The following CNGA1 variants were observed in gnomAD, a reference collection of about 807,000 sequenced individuals.
CNGA1 encodes cyclic nucleotide gated channel subunit alpha 1.
Under a neutral mutation model 69.7 loss-of-function variants are expected in CNGA1, and 53 were observed. That is an observed-to-expected ratio of 0.76 (90% confidence interval 0.61 to 0.96). The LOEUF (loss-of-function observed/expected upper bound fraction) is 0.96. CNGA1 is among the 40% of genes least tolerant of loss of function. The pLI, the probability that CNGA1 is intolerant of heterozygous loss-of-function variation, is 0.00. For synonymous variants in CNGA1, 249 were observed against 283.5 expected, an observed-to-expected ratio of 0.88 and a Z score of 1.22; for missense variants, 739 against 811.2, an observed-to-expected ratio of 0.91 and a Z score of 1.08.
chr4:47,943,245 T>C lies in CNGA1; in HGVS notation c.373A>G (p.Lys125Glu), dbSNP rs889829783. 1 of 1,588,370 alleles carries C rather than the reference T, an allele frequency of 6.3e-7. No individual in the cohort carries two copies. The highest frequency in any genetic ancestry group is 1.1e-5 in the South Asian group (1 of 87,640). ...TTCTCTTTGTCCTTTTTCTTCTTTT[T>C]CTTCTCTGGGTCGTTTTTATTTTCG... ...KNENKNDPEKKKKKKDKEKKK... is the reference protein window; with the variant it reads ...KNENKNDPEKEKKKKDKEKKK... The change falls in exon 8 of 11, where the codon AAA (lysine) becomes GAA (glutamate). Residue 125 changes from lysine to glutamate, a missense_variant. Physicochemically the swap from Lys to Glu is moderately conservative, Grantham distance 56. Coordinates refer to ENST00000514170, the MANE Select transcript of CNGA1 (RefSeq NM_001379270.1).
At position 47,952,679 on chromosome 4, in the gene CNGA1, T is replaced by C. The variant is rs2110160641; in HGVS notation, c.11A>G (p.Asn4Ser). Residue 4 changes from asparagine (N) to serine (S), a missense_variant, in exon 4 of 11, where the codon AAT (asparagine) becomes AGT (serine). By Grantham distance (46) the Asn-to-Ser change is conservative. Transcript: ENST00000514170. The part of the protein sequence containing the change: MKN[N>S]IINTQQSFVT... ...AAAAGACTGCTGTGTATTGATAATA[T>C]TGTTCTTCATGGATAGTTTCATATC... 6.3e-7 allele frequency: 1 copy of C among 1,598,104 alleles called. No individual in the cohort carries two copies. Among genetic ancestry groups the C allele is most frequent in the East Asian group, 2.2e-5 (1 of 44,554 alleles).
intron 3 of CNGA1, among the ~76,000 whole-genome samples, chr4:47,979,187 G>A (rs1741568210): frequency 6.6e-6 from 1 of 152,024 alleles, no homozygotes; most frequent in Non-Finnish European, 1.5e-5. Flanking sequence ...TGAGTGAGGT[G>A]GCTCATGCCT....
At chr4:47,990,319 G>T (rs1313470723) in intron 2 of CNGA1, among the ~76,000 whole-genome samples, 3 of 152,030 alleles carry the variant, frequency 2.0e-5, no homozygotes, top group South Asian at 2.1e-4. Context: ...ATGCATTCTT[G>T]GGGGGAGGTC....
chr4:47,943,312 T>C (rs1739208239), intron 7 of CNGA1, 24 bp from the exon 8 acceptor site: 1 of 1,537,006 alleles, frequency 6.5e-7, no homozygotes, highest in Non-Finnish European at 8.8e-7. Flanking sequence ...GCAAGTAGTA[T>C]TAAAATACAG....
In CNGA1 at chr4:47,937,224, G is replaced by A. The variant is rs369717052; in HGVS notation, c.1258C>T (p.Arg420Ter). The A allele has an allele frequency of 2.2e-5, 36 of 1,613,808 alleles. No individual in the cohort carries two copies. Among genetic ancestry groups the A allele is most frequent in the Admixed American group, 3.3e-5 (2 of 59,984 alleles). The change falls in exon 11 of 11, where the codon CGA becomes TGA. Residue 420 changes from arginine (R) to a stop codon, truncating the protein, a stop_gained. Transcript: ENST00000514170. LOFTEE classifies it high-confidence loss of function. ...TTTTCCATATCTTTGCTTACATTTC[G>A]AAAATGCATATATTGCTTGATAGCA... ...IDAIKQYMHF[R>*]NVSKDMEKRV...
rs538224826 is a variant in CNGA1, at chr4:47,942,176, A to G, written c.438-28T>C. Reference sequence around the variant, plus strand: ...AGCGGCAATTAGAAATAAAGGGGATAGTTACCAAGATACAAGAACATTTTT... The same window carrying G: ...AGCGGCAATTAGAAATAAAGGGGATGGTTACCAAGATACAAGAACATTTTT... On this transcript the variant is annotated intron_variant, in intron 8 of 10. Coordinates refer to ENST00000514170, the MANE Select transcript of CNGA1 (RefSeq NM_001379270.1). The G allele has an allele frequency of 3.8e-5, 51 of 1,331,002 alleles. 2 individuals are homozygous for G. In the South Asian group the frequency reaches 5.7e-4, roughly 15 times the overall value. The allele number at this position is 1,331,002 out of a possible 1,614,324, so 82.4% of individuals were successfully genotyped here. A position where few individuals can be genotyped will look rare whatever the true frequency, so the allele number is the denominator to read the frequency against.
Position 47,936,027 on chromosome 4 carries a change from C to A in CNGA1, c.*394G>T. 1 of 184,868 alleles carries A rather than the reference C, an allele frequency of 5.4e-6. No individual in the cohort carries two copies. Among genetic ancestry groups the A allele is most frequent in the Non-Finnish European group, 1.1e-5 (1 of 88,520 alleles). 11.5% of individuals were successfully genotyped at this position (184,868 alleles called of 1,614,324 possible). On this transcript the variant is annotated 3_prime_UTR_variant, in exon 11 of 11. Coordinates refer to ENST00000514170, the MANE Select transcript of CNGA1 (RefSeq NM_001379270.1). ...CAGTCTAATTTTTAAAAATGTTATC[C>A]CAAATATGATGTACATGGTAATTCT...
chr4:48,012,081 T>C (rs1715190600), intron 1 of CNGA1, among the ~76,000 whole-genome samples: 1 of 152,160 alleles, frequency 6.6e-6, no homozygotes, highest in African/African-American at 2.4e-5. Context: ...AAGAAACATG[T>C]TTTAGGGTAA....
intron 2 of CNGA1, among the ~76,000 whole-genome samples, chr4:47,989,493 G>C (rs1036340603): frequency 6.6e-6 from 1 of 151,666 alleles, no homozygotes; most frequent in Non-Finnish European, 1.5e-5. Context: ...GAAATTTCAA[G>C]CCCCCTCATA....
chr4:47,948,653 A>G (rs1024026968), intron 6 of CNGA1, among the ~76,000 whole-genome samples: 5 of 152,170 alleles, frequency 3.3e-5, no homozygotes, highest in African/African-American at 9.7e-5. Context: ...GGCAAAAGTT[A>G]TTGACCGTGA....
chr4:47,957,069 G>A (rs1740134884), intron 3 of CNGA1, among the ~76,000 whole-genome samples: 4 of 152,104 alleles, frequency 2.6e-5, no homozygotes, highest in Admixed American at 2.6e-4. Flanking sequence ...AAGTAGCTGG[G>A]ATTACAGGTG....
intron 6 of CNGA1, among the ~76,000 whole-genome samples, chr4:47,946,770 TTTTCTTTCTTTC>T (rs140558527): frequency 6.6e-5 from 10 of 151,106 alleles, no homozygotes; most frequent in East Asian, 3.9e-4. Flanking sequence ...CCCTTCGTCT[TTTTCTTTCTTTC>T]TTTCTTTCTT....
chr4:47,977,210 G>A (rs1350278148), intron 3 of CNGA1, among the ~76,000 whole-genome samples: 1 of 152,150 alleles, frequency 6.6e-6, no homozygotes, highest in Non-Finnish European at 1.5e-5. Context: ...GTCAAAGTGA[G>A]GCCATTAGGC....
chr4:47,968,002 C>A (rs942751152), intron 3 of CNGA1, among the ~76,000 whole-genome samples: 2 of 151,956 alleles, frequency 1.3e-5, no homozygotes, highest in Admixed American at 6.6e-5. Flanking sequence ...ACATGCCAAG[C>A]AATAAGTCTG....
At chr4:47,945,531 C>T (rs896743169) in intron 6 of CNGA1, among the ~76,000 whole-genome samples, 1 of 152,126 alleles carries the variant, frequency 6.6e-6, no homozygotes, top group East Asian at 1.9e-4. Context: ...ATCGTGGCCC[C>T]CTGTTAAACT....
intron 3 of CNGA1, among the ~76,000 whole-genome samples, chr4:47,961,862 A>T (rs1740458891): frequency 6.6e-6 from 1 of 152,226 alleles, no homozygotes; most frequent in Non-Finnish European, 1.5e-5. Context: ...AAGTGATAAT[A>T]AAGTTATTAG....
intron 3 of CNGA1, among the ~76,000 whole-genome samples, chr4:47,965,147 G>A (rs1740651984): frequency 6.6e-6 from 1 of 152,018 alleles, no homozygotes; most frequent in Non-Finnish European, 1.5e-5. Flanking sequence ...TATCTTAACG[G>A]ATATCCAGTA....
chr4:47,966,728 A>G (rs1740744702), intron 3 of CNGA1, among the ~76,000 whole-genome samples: 1 of 152,232 alleles, frequency 6.6e-6, no homozygotes. Context: ...CTTTAGGATC[A>G]GTTCTTGCAA....
intron 3 of CNGA1, among the ~76,000 whole-genome samples, chr4:47,955,354 TG>T (rs1372563288): frequency 6.6e-6 from 1 of 151,970 alleles, no homozygotes; most frequent in East Asian, 1.9e-4. Context: ...GGCTAATTTT[TG>T]TATTTTTACT....
Sources: gnomAD v4.1 joint callset for allele counts (sites outside exome capture counted in the v4.1 genomes callset) on GRCh38, gnomAD v4.1.1 for gene constraint, MANE v1.5 for transcripts, NCBI Gene and HGNC (gene_info 2026-07-23, HGNC 2026-07-21) for gene names.